Variants in PLXNA2 observed in about 807,000 individuals in gnomAD.
The protein encoded by PLXNA2 is plexin-A2.
PLXNA2 carries 91 observed loss-of-function variants against 193.5 expected under a neutral mutation model. The ratio of observed to expected loss-of-function variants is 0.47; its 90% CI spans 0.40 to 0.56. PLXNA2 has a LOEUF of 0.56. Among genes scored for constraint, PLXNA2 ranks in the 20% least tolerant of loss-of-function variants. The probability of loss-of-function intolerance (pLI) is 0.00; values close to 1 mark genes in which losing one functional copy is unlikely to be tolerated. For missense variants in PLXNA2, 1,995 were observed against 2,503.2 expected, an observed-to-expected ratio of 0.80 and a Z score of 4.33; for synonymous variants, 997 against 1,027.3, an observed-to-expected ratio of 0.97 and a Z score of 0.56.
intron 4 of PLXNA2, among the ~76,000 whole-genome samples, chr1:208,131,291 C>T (rs541886348): frequency 6.6e-6 from 1 of 152,312 alleles, no homozygotes; most frequent in Non-Finnish European, 1.5e-5. Context: ...CTACAGAAAC[C>T]GTCCTAGTCA....
Position 208,038,361 on chromosome 1 carries a change from C to A in PLXNA2, c.4764+10G>T, listed in dbSNP as rs759613357. On this transcript the variant is annotated intron_variant, in intron 26 of 31. Coordinates refer to ENST00000367033, the MANE Select transcript of PLXNA2 (RefSeq NM_025179.4). The surrounding 1 kb of genome is among the most constrained non-coding windows in gnomAD (Gnocchi z 4.1). ...GGAAGCTGAAGAGGGGAAAAGACACCCCCTCTCACCTGATAATGCATCAGT... is the reference window on the plus strand; with the variant it reads ...GGAAGCTGAAGAGGGGAAAAGACACACCCTCTCACCTGATAATGCATCAGT... The A allele has an allele frequency of 3.8e-6, 6 of 1,573,198 alleles. No homozygotes were observed. Among genetic ancestry groups the A allele is most frequent in the Non-Finnish European group, 5.3e-6 (6 of 1,142,654 alleles).
At chr1:208,043,833 TTGACA>T (rs1479526978) in intron 20 of PLXNA2, among the ~76,000 whole-genome samples, 3 of 152,258 alleles carry the variant, frequency 2.0e-5, no homozygotes, top group Non-Finnish European at 4.4e-5. Flanking sequence ...GTTTCTGATC[TTGACA>T]TTTGCAGCAA....
chr1:208,237,783 G>T (rs1458342428), intron 1 of PLXNA2, among the ~76,000 whole-genome samples: 2 of 152,126 alleles, frequency 1.3e-5, no homozygotes, highest in Non-Finnish European at 2.9e-5. Flanking sequence ...ATGCCATTCT[G>T]CCTTTTACTA....
chr1:208,164,853 G>A (rs1039572684), intron 3 of PLXNA2, among the ~76,000 whole-genome samples: 7 of 152,190 alleles, frequency 4.6e-5, no homozygotes, highest in African/African-American at 1.4e-4. Context: ...CTCTTATCTC[G>A]CCGGGACCCT....
chr1:208,054,877 A>G (rs1015909421), intron 13 of PLXNA2, among the ~76,000 whole-genome samples: 1 of 152,210 alleles, frequency 6.6e-6, no homozygotes, highest in African/African-American at 2.4e-5. Context: ...TATAGAATAA[A>G]GGGAATGTCT....
At chr1:208,055,253 G>C (rs1214493982) in intron 13 of PLXNA2, among the ~76,000 whole-genome samples, 1 of 152,318 alleles carries the variant, frequency 6.6e-6, no homozygotes, top group South Asian at 2.1e-4. Flanking sequence ...ACTAACGGGA[G>C]AGCTGGAGGG....
At position 208,044,707 on chromosome 1, in the gene PLXNA2, C is replaced by T. The variant is rs1001574868; in HGVS notation, c.3675G>A (p.Ser1225=). Residue 1225 remains serine, a synonymous_variant, in exon 20 of 32, where the codon TCG becomes TCA. Transcript: ENST00000367033. The surrounding 1 kb of genome is among the most constrained non-coding windows in gnomAD (Gnocchi z 4.9). ...HVGGMVFSPG[S]VSVISDSLLT... Reference sequence around the variant, plus strand: ...GCAAGCTGTCTGAGATGACACTCACCGAGCCAGGCGAGAACACCATCCCGC... The same window carrying T: ...GCAAGCTGTCTGAGATGACACTCACTGAGCCAGGCGAGAACACCATCCCGC... 2.0e-5 allele frequency: 33 copies of T among 1,613,852 alleles called. No individual in the cohort carries two copies. In the Middle Eastern group the frequency reaches 4.9e-4, roughly 24 times the overall value.
Position 208,217,897 on chromosome 1 carries a change from C to T in PLXNA2, c.26G>A (p.Arg9Gln), listed in dbSNP as rs544519223. The T allele has an allele frequency of 3.7e-5, 59 of 1,611,304 alleles. 1 individual carries two copies. In the South Asian group the frequency reaches 4.1e-4, roughly 11 times the overall value. ...AGAGCGGCTGTCCACCTCCAGGGCCCGGGGCCAGGGCCGCCTCTGTTCCAT... is the reference window on the plus strand; with the variant it reads ...AGAGCGGCTGTCCACCTCCAGGGCCTGGGGCCAGGGCCGCCTCTGTTCCAT... MEQRRPWP[R>Q]ALEVDSRSVV... The change falls in exon 2 of 32, where the codon CGG becomes CAG. Residue 9 changes from arginine (R) to glutamine (Q), a missense_variant. By Grantham distance (43) the Arg-to-Gln change is conservative (BLOSUM62 1). Coordinates refer to ENST00000367033, the MANE Select transcript of PLXNA2 (RefSeq NM_025179.4). The surrounding 1 kb of genome is among the most constrained non-coding windows in gnomAD (Gnocchi z 4.7).
At chr1:208,095,412 C>T (rs1008317428) in intron 8 of PLXNA2, among the ~76,000 whole-genome samples, 4 of 152,266 alleles carry the variant, frequency 2.6e-5, no homozygotes, top group South Asian at 4.2e-4. Flanking sequence ...TGGTGAGGTC[C>T]GTAGAACTAA....
intron 1 of PLXNA2, among the ~76,000 whole-genome samples, chr1:208,224,858 C>T (rs1391641403): frequency 4.6e-5 from 7 of 152,192 alleles, no homozygotes; most frequent in African/African-American, 1.7e-4. Context: ...CCCTCTCTTA[C>T]TATGAGAAGG....
At chr1:208,191,907 C>T (rs1165282306) in intron 3 of PLXNA2, among the ~76,000 whole-genome samples, 3 of 152,030 alleles carry the variant, frequency 2.0e-5, no homozygotes, top group Non-Finnish European at 4.4e-5. Context: ...ACACAAAGCC[C>T]CGAGGTGAGA....
At position 208,116,025 on chromosome 1, in the gene PLXNA2, T is replaced by G. The variant is rs573664429; in HGVS notation, c.1507-12778A>C. ...TCACCCAGGCTGACGTTTCCACTCCTGACCCCTTTGGTCAATGTCAACTGC... is the reference window on the plus strand; with the variant it reads ...TCACCCAGGCTGACGTTTCCACTCCGGACCCCTTTGGTCAATGTCAACTGC... On this transcript the variant is annotated intron_variant, in intron 4 of 31. Transcript: ENST00000367033. Among the ~76,000 whole-genome samples, 55 of 152,360 alleles carry G rather than the reference T, an allele frequency of 3.6e-4. 1 individual carries two copies. In the East Asian group the frequency reaches 0.01, roughly 28 times the overall value.
intron 17 of PLXNA2, 25 bp from the exon 18 acceptor site, chr1:208,046,142 C>G: frequency 6.2e-7 from 1 of 1,604,988 alleles, no homozygotes; most frequent in Non-Finnish European, 8.5e-7. Flanking sequence ...GCGCAGCATT[C>G]ACACACGGAG....
Position 208,217,836 on chromosome 1 carries a change from G to C in PLXNA2, c.87C>G (p.Ala29=). Residue 29 remains alanine (A), a synonymous_variant, in exon 2 of 32, where the codon GCC becomes GCG. Coordinates refer to ENST00000367033, the MANE Select transcript of PLXNA2 (RefSeq NM_025179.4). This position sits in a 1 kb window ranked among gnomAD's most constrained non-coding sequence, Gnocchi z 4.7. The part of the protein sequence containing the change: ...VLLSVVWVLL[A]PPAAGMPQFS... ...ACTGAGGCATGCCGGCTGCTGGGGG[G>C]GCCAGCAGCACCCAGACCACTGAGA... is the stretch of plus-strand genomic sequence containing the variant. 3 of 1,614,046 alleles carry C rather than the reference G, an allele frequency of 1.9e-6. No homozygotes were observed. Among genetic ancestry groups the C allele is most frequent in the Admixed American group, 3.3e-5 (2 of 60,024 alleles).
chr1:208,079,880 T>C (rs570361056), intron 11 of PLXNA2, among the ~76,000 whole-genome samples: 33 of 152,350 alleles, frequency 2.2e-4, no homozygotes, highest in African/African-American at 7.9e-4. Flanking sequence ...ATGTTTATTA[T>C]GTTTTCTTTG....
chr1:208,194,903 T>C (rs979844779), intron 3 of PLXNA2, among the ~76,000 whole-genome samples: 3 of 152,228 alleles, frequency 2.0e-5, no homozygotes, highest in Non-Finnish European at 4.4e-5. Flanking sequence ...TGCAGTGTCC[T>C]ATGTGACTTG....
chr1:208,052,681 G>A (rs552866288), intron 14 of PLXNA2, among the ~76,000 whole-genome samples: 1 of 152,140 alleles, frequency 6.6e-6, no homozygotes, highest in Admixed American at 6.5e-5. Flanking sequence ...GAGTCATGTG[G>A]GGTGAAATTA....
intron 4 of PLXNA2, among the ~76,000 whole-genome samples, chr1:208,113,015 A>AAC (rs1553281855): frequency 8.6e-5 from 13 of 151,340 alleles, no homozygotes; most frequent in South Asian, 2.1e-4. Context: ...CAAAAAAAAA[A>AAC]AAAAAAAAAC....
At chr1:208,155,155 G>A (rs1175524348) in intron 3 of PLXNA2, among the ~76,000 whole-genome samples, 5 of 152,172 alleles carry the variant, frequency 3.3e-5, no homozygotes, top group South Asian at 4.1e-4. Context: ...CATAGTGGCC[G>A]TTCCAGCCTG....
Sources: allele counts gnomAD v4.1 joint callset (sites outside exome capture counted in the v4.1 genomes callset), GRCh38; gene constraint gnomAD v4.1.1; non-coding constraint Gnocchi (gnomAD v3.1); transcripts MANE v1.5; gene names NCBI Gene and HGNC (gene_info 2026-07-23, HGNC 2026-07-21).